Variants in ATP2B2 observed in about 807,000 individuals in gnomAD.
ATP2B2 encodes ATPase plasma membrane Ca2+ transporting 2.
ATP2B2 carries 15 observed loss-of-function variants against 120.0 expected under a neutral mutation model. That is an observed-to-expected ratio of 0.12 (90% confidence interval 0.08 to 0.19). The LOEUF (loss-of-function observed/expected upper bound fraction) is 0.19, where lower values mean the gene tolerates loss of function less well. ATP2B2 is among the 10% of genes least tolerant of loss of function. The probability of loss-of-function intolerance (pLI) is 1.00; values close to 1 mark genes in which losing one functional copy is unlikely to be tolerated. For synonymous variants in ATP2B2, 694 were observed against 700.3 expected (o/e 0.99, Z 0.14); for missense variants, 1,045 against 1,719.8 (o/e 0.61, Z 6.94).
chr3:10,340,810 C>A lies in ATP2B2; in HGVS notation c.2918-106G>T. ...CTCTTCTGAGCAGTGACGTGAATCC[C>A]CAAGACATCAAGGCATGCTTGGACA... On this transcript the variant is annotated intron_variant, in intron 19 of 22. Transcript: ENST00000360273. The surrounding 1 kb of genome is among the most constrained non-coding windows in gnomAD (Gnocchi z 5.0). 8.8e-7 allele frequency: 1 copy of A among 1,133,854 alleles called. No individual in the cohort carries two copies. The highest frequency in any genetic ancestry group is 2.5e-5 in the East Asian group (1 of 39,936). The allele number at this position is 1,133,854 out of a possible 1,614,324, so 70.2% of individuals were successfully genotyped here.
intron 1 of ATP2B2, among the ~76,000 whole-genome samples, chr3:10,622,750 T>C (rs534054180): frequency 6.6e-6 from 1 of 152,220 alleles, no homozygotes; most frequent in Non-Finnish European, 1.5e-5. Flanking sequence ...GCAGAGGCTT[T>C]AATCAGGATC....
intron 3 of ATP2B2, among the ~76,000 whole-genome samples, chr3:10,519,775 T>C (rs2066946257): frequency 6.6e-6 from 1 of 152,258 alleles, no homozygotes; most frequent in Admixed American, 6.5e-5. Flanking sequence ...AGCCAGGCAC[T>C]CAGCAGTCAC....
rs1559380405 is a variant in ATP2B2, at chr3:10,472,100, A to AAG, written c.-319-22240_-319-22239dup. On this transcript the variant is annotated intron_variant, in intron 1 of 22. Coordinates refer to ENST00000360273, the MANE Select transcript of ATP2B2 (RefSeq NM_001001331.4). Reference sequence around the variant, plus strand: ...CGTCTCAAAAAAAAAAAAAAAAAAAAAGAGATACATCAAGACCTAAGAAGG... The same window carrying AAG: ...CGTCTCAAAAAAAAAAAAAAAAAAAAAGAGAGATACATCAAGACCTAAGAAGG... Among the ~76,000 whole-genome samples, 5 of 147,326 alleles carry AAG rather than the reference A, an allele frequency of 3.4e-5. 1 individual carries two copies. The highest frequency in any genetic ancestry group is 1.0e-4 in the African/African-American group (4 of 38,596).
At chr3:10,707,537 C>T (rs1049356318) in intron 1 of ATP2B2, among the ~76,000 whole-genome samples, 1 of 152,346 alleles carries the variant, frequency 6.6e-6, no homozygotes, top group South Asian at 2.1e-4. Context: ...GAAGTCGGAG[C>T]CATCTGGGAA....
At chr3:10,396,690 C>T (rs922724741) in intron 5 of ATP2B2, among the ~76,000 whole-genome samples, 1 of 152,174 alleles carries the variant, frequency 6.6e-6, no homozygotes, top group Non-Finnish European at 1.5e-5. Flanking sequence ...CAGGCTGCTG[C>T]AGGCTGAAGG....
intron 3 of ATP2B2, among the ~76,000 whole-genome samples, chr3:10,528,639 G>A (rs1449514078): frequency 6.6e-6 from 1 of 151,928 alleles, no homozygotes; most frequent in Admixed American, 6.5e-5. Flanking sequence ...AATATTTCTG[G>A]TGTAAGGAAC....
At chr3:10,634,911 T>G (rs2125643716) in intron 1 of ATP2B2, among the ~76,000 whole-genome samples, 1 of 152,248 alleles carries the variant, frequency 6.6e-6, no homozygotes, top group Admixed American at 6.5e-5. Flanking sequence ...GGGGCAGGTT[T>G]GGTGGGGAAG....
intron 1 of ATP2B2, among the ~76,000 whole-genome samples, chr3:10,662,835 T>A (rs530992493): frequency 6.6e-5 from 10 of 152,100 alleles, no homozygotes; most frequent in African/African-American, 1.7e-4. Flanking sequence ...AAGACTTGGA[T>A]CCAACCCAAA....
chr3:10,412,841 C>T (rs1437071804), intron 2 of ATP2B2, among the ~76,000 whole-genome samples: 1 of 152,134 alleles, frequency 6.6e-6, no homozygotes, highest in East Asian at 1.9e-4. Context: ...AAAAATGGGC[C>T]CCGCAGCGGG....
At chr3:10,502,483 T>C (rs1358920991) in intron 1 of ATP2B2, among the ~76,000 whole-genome samples, 1 of 152,252 alleles carries the variant, frequency 6.6e-6, no homozygotes, top group Non-Finnish European at 1.5e-5. Flanking sequence ...CCTCTGCTGC[T>C]TCTTGTCTGG....
At chr3:10,494,763 C>T (rs1462134052) in intron 1 of ATP2B2, among the ~76,000 whole-genome samples, 2 of 152,182 alleles carry the variant, frequency 1.3e-5, no homozygotes, top group African/African-American at 4.8e-5. Context: ...CCTTCAGCCC[C>T]ACATGCTGCT....
chr3:10,520,738 G>C (rs1245506263), intron 3 of ATP2B2, among the ~76,000 whole-genome samples: 1 of 150,138 alleles, frequency 6.7e-6, no homozygotes, highest in African/African-American at 2.5e-5. Flanking sequence ...TTACAGGCGT[G>C]AGCCACCACA....
chr3:10,543,269 G>T (rs1300340343), intron 2 of ATP2B2, among the ~76,000 whole-genome samples: 2 of 152,240 alleles, frequency 1.3e-5, no homozygotes, highest in East Asian at 3.8e-4. Context: ...AAGCCACCCA[G>T]TCTGTGGTAT....
At chr3:10,493,161 G>GA (rs2066000304) in intron 1 of ATP2B2, among the ~76,000 whole-genome samples, 3 of 152,118 alleles carry the variant, frequency 2.0e-5, no homozygotes, top group African/African-American at 7.2e-5. Context: ...AAGACAGACA[G>GA]ACAACAAACA....
chr3:10,613,483 T>G (rs777603741), intron 2 of ATP2B2, among the ~76,000 whole-genome samples: 3 of 152,096 alleles, frequency 2.0e-5, no homozygotes, highest in Non-Finnish European at 4.4e-5. Context: ...GCCCTTTAAC[T>G]TGTGGGGTCT....
At chr3:10,667,545 C>G (rs932397122) in intron 1 of ATP2B2, among the ~76,000 whole-genome samples, 1 of 152,236 alleles carries the variant, frequency 6.6e-6, no homozygotes, top group Non-Finnish European at 1.5e-5. Flanking sequence ...TGAAGTGCCA[C>G]GCCATCAGAA....
At chr3:10,541,353 G>A (rs1035281394) in intron 2 of ATP2B2, among the ~76,000 whole-genome samples, 1 of 152,092 alleles carries the variant, frequency 6.6e-6, no homozygotes, top group Non-Finnish European at 1.5e-5. Flanking sequence ...CTCAAAGTAG[G>A]GGCTTAGATT....
intron 1 of ATP2B2, among the ~76,000 whole-genome samples, chr3:10,504,565 C>A (rs1445918359): frequency 6.6e-6 from 1 of 150,954 alleles, no homozygotes; most frequent in African/African-American, 2.5e-5. Flanking sequence ...CCAGAGCACC[C>A]CCCCAACCCC....
chr3:10,445,642 C>T (rs886168968), intron 2 of ATP2B2, among the ~76,000 whole-genome samples: 1 of 152,252 alleles, frequency 6.6e-6, no homozygotes, highest in Non-Finnish European at 1.5e-5. Context: ...CGCTGATTCC[C>T]TGTGGCCTCA....
Sources: allele counts gnomAD v4.1 joint callset (sites outside exome capture counted in the v4.1 genomes callset), GRCh38; gene constraint gnomAD v4.1.1; non-coding constraint Gnocchi (gnomAD v3.1); transcripts MANE v1.5; gene names NCBI Gene and HGNC (gene_info 2026-07-23, HGNC 2026-07-21).